The following TM9SF2 variants were observed in gnomAD, a reference collection of about 807,000 sequenced individuals.
The protein encoded by TM9SF2 is 76 kDa membrane protein.
Under a neutral mutation model 84.9 loss-of-function variants are expected in TM9SF2, and 13 were observed. That is an observed-to-expected ratio of 0.15 (90% CI 0.10 to 0.24). TM9SF2 has a LOEUF of 0.24. Ranked by LOEUF, TM9SF2 falls within the 10% of genes least tolerant of loss-of-function variation. The pLI, the probability that TM9SF2 is intolerant of heterozygous loss-of-function variation, is 1.00. For missense variants in TM9SF2, 562 were observed against 818.5 expected, an observed-to-expected ratio of 0.69 and a Z score of 3.82; for synonymous variants, 273 against 285.8, an observed-to-expected ratio of 0.96 and a Z score of 0.45.
At chr13:99,540,414 C>A in intron 7 of TM9SF2, 4 of 160,474 alleles carry the variant, frequency 2.5e-5, no homozygotes, top group Non-Finnish European at 1.3e-5. Flanking sequence ...AAAAAAAAAC[C>A]TACATATAGG....
chr13:99,541,281 T>C (rs1416726251), intron 8 of TM9SF2, among the ~76,000 whole-genome samples: 3 of 152,238 alleles, frequency 2.0e-5, no homozygotes, highest in African/African-American at 7.2e-5. Context: ...GTGGCAGTGA[T>C]TTGGGCACAG....
chr13:99,557,069 T>C (rs1454872026), intron 15 of TM9SF2, among the ~76,000 whole-genome samples: 3 of 152,180 alleles, frequency 2.0e-5, no homozygotes, highest in Non-Finnish European at 4.4e-5. Flanking sequence ...AATCACTGGG[T>C]CATATGGTAG....
chr13:99,543,384 T>C (rs2046269073), intron 9 of TM9SF2, among the ~76,000 whole-genome samples: 2 of 152,224 alleles, frequency 1.3e-5, no homozygotes, highest in Non-Finnish European at 2.9e-5. Context: ...CTGTGGTATC[T>C]GGTGTTTTAA....
intron 11 of TM9SF2, among the ~76,000 whole-genome samples, chr13:99,548,552 A>G (rs1033819939): frequency 6.6e-6 from 1 of 152,174 alleles, no homozygotes; most frequent in Non-Finnish European, 1.5e-5. Context: ...TAGCTACTTC[A>G]GTATTTGAAT....
intron 1 of TM9SF2, among the ~76,000 whole-genome samples, chr13:99,509,264 T>C (rs529386390): frequency 6.6e-6 from 1 of 152,278 alleles, no homozygotes; most frequent in East Asian, 1.9e-4. Context: ...CCAATGAATC[T>C]ACTATTCTGG....
At chr13:99,561,895 A>G (rs7321216) in intron 16 of TM9SF2, among the ~76,000 whole-genome samples, 3,773 of 152,206 alleles carry the variant, frequency 0.025, 161 homozygotes, top group African/African-American at 0.086. Flanking sequence ...ACCCCTTTGA[A>G]CCTCATTTTT....
At chr13:99,556,365 T>C (rs1232388757) in intron 15 of TM9SF2, among the ~76,000 whole-genome samples, 1 of 152,198 alleles carries the variant, frequency 6.6e-6, no homozygotes, top group African/African-American at 2.4e-5. Context: ...CACCCCTAAT[T>C]AAAGCCCTAT....
chr13:99,501,921 G>C, intron 1 of TM9SF2, 144 bp downstream of exon 1: 1 of 1,178,814 alleles, frequency 8.5e-7, no homozygotes, highest in Non-Finnish European at 1.2e-6. Flanking sequence ...TTTGGGGTCT[G>C]CTGGGCTGTG....
intron 16 of TM9SF2, among the ~76,000 whole-genome samples, chr13:99,562,197 A>G (rs2046347501): frequency 6.6e-6 from 1 of 152,160 alleles, no homozygotes; most frequent in African/African-American, 2.4e-5. Flanking sequence ...TTACTATCTA[A>G]TCATGTCACT....
At chr13:99,520,239 C>A in intron 3 of TM9SF2, 110 bp downstream of exon 3, 1 of 855,688 alleles carries the variant, frequency 1.2e-6, no homozygotes. Context: ...GTTCATTTCT[C>A]TTTTTCATCT....
At chr13:99,548,202 T>C (rs1303860849) in intron 11 of TM9SF2, among the ~76,000 whole-genome samples, 1 of 152,158 alleles carries the variant, frequency 6.6e-6, no homozygotes, top group Non-Finnish European at 1.5e-5. Context: ...TCCCACACCC[T>C]GCTCCCATCT....
chr13:99,511,827 G>C (rs2046114711), intron 1 of TM9SF2, among the ~76,000 whole-genome samples: 2 of 152,096 alleles, frequency 1.3e-5, no homozygotes, highest in South Asian at 2.1e-4. Context: ...GAAAAGTAGA[G>C]GAATAAAAGC....
intron 8 of TM9SF2, 39 bp downstream of exon 8, chr13:99,540,832 T>G (rs1324574698): frequency 6.5e-7 from 1 of 1,528,726 alleles, no homozygotes; most frequent in East Asian, 2.2e-5. Flanking sequence ...CTTTCTACTT[T>G]TCTACCCTCT....
intron 1 of TM9SF2, chr13:99,514,266 T>G (rs2139074266): frequency 6.6e-6 from 1 of 152,372 alleles, no homozygotes; most frequent in African/African-American, 2.4e-5. Flanking sequence ...TCACATTCAT[T>G]CACCGCTCAC....
At chr13:99,512,163 A>G (rs1648433757) in intron 1 of TM9SF2, among the ~76,000 whole-genome samples, 1 of 152,190 alleles carries the variant, frequency 6.6e-6, no homozygotes, top group African/African-American at 2.4e-5. Context: ...ATGCTGATAA[A>G]CCTTTATTCA....
At position 99,501,926 on chromosome 13, in the gene TM9SF2, G is replaced by A. The variant is rs2139063712; in HGVS notation, c.171+149G>A. The A allele has an allele frequency of 4.4e-6, 5 of 1,135,940 alleles. No homozygotes were observed. In the South Asian group the frequency reaches 6.2e-5, roughly 14 times the overall value. The allele number at this position is 1,135,940 out of a possible 1,614,324, so 70.4% of individuals were successfully genotyped here. A position where few individuals can be genotyped will look rare whatever the true frequency, so the allele number is the denominator to read the frequency against. ...CCCAGAAGCTTTTGGGGTCTGCTGG[G>A]CTGTGGGTGGGGGGCTCTGAAACAG... On this transcript the variant is annotated intron_variant, in intron 1 of 16. Coordinates refer to ENST00000376387, the MANE Select transcript of TM9SF2 (RefSeq NM_004800.3).
chr13:99,530,796 A>C (rs950027097), intron 4 of TM9SF2, among the ~76,000 whole-genome samples: 1 of 152,188 alleles, frequency 6.6e-6, no homozygotes. Flanking sequence ...ATCAAAAAGT[A>C]TTTAAAACTG....
chr13:99,554,898 A>G lies in TM9SF2; in HGVS notation c.1640+443A>G, dbSNP rs978161179. Among the ~76,000 whole-genome samples, 3 of 152,274 alleles carry G rather than the reference A, an allele frequency of 2.0e-5. No homozygotes were observed. The South Asian group carries it at 6.2e-4, about 32-fold the overall frequency. ...CTTGTCGGAGGGGATTGGTGAAGGG[A>G]TTGGTCTAGGTGACCTGCAGAGTCC... On this transcript the variant is annotated intron_variant, in intron 14 of 16. Coordinates refer to ENST00000376387, the MANE Select transcript of TM9SF2 (RefSeq NM_004800.3).
intron 1 of TM9SF2, among the ~76,000 whole-genome samples, chr13:99,502,072 C>G (rs1311463350): frequency 1.3e-5 from 2 of 152,182 alleles, no homozygotes; most frequent in African/African-American, 4.8e-5. Context: ...GTGGAGCGCC[C>G]TTGGAGTTGG....
Sources: gnomAD v4.1 joint callset for allele counts (sites outside exome capture counted in the v4.1 genomes callset) on GRCh38, gnomAD v4.1.1 for gene constraint, MANE v1.5 for transcripts, NCBI Gene and HGNC (gene_info 2026-07-23, HGNC 2026-07-21) for gene names.